The following SV2C variants were observed in gnomAD, a reference collection of about 807,000 sequenced individuals.
SV2C encodes solute carrier family 22 member B3.
SV2C carries 49 observed loss-of-function variants against 79.7 expected under a neutral mutation model. The observed-to-expected ratio is 0.61, with a 90% CI of 0.49 to 0.78. The LOEUF is 0.78. Ranked by LOEUF, SV2C falls within the 30% of genes least tolerant of loss-of-function variation. The pLI, the probability that SV2C is intolerant of heterozygous loss-of-function variation, is 0.00. For synonymous variants in SV2C, 334 were observed against 333.2 expected (o/e 1.00, Z -0.03); for missense variants, 833 against 912.9 (o/e 0.91, Z 1.13).
chr5:76,285,215 G>A lies in SV2C; in HGVS notation c.967G>A (p.Val323Ile). 6.2e-7 allele frequency: 1 copy of A among 1,614,180 alleles called. No homozygotes were observed. The highest frequency in any genetic ancestry group is 1.3e-5 in the African/African-American group (1 of 75,056). Residue 323 changes from valine (V) to isoleucine (I), a missense_variant, in exon 5 of 13, where the codon GTC (valine) becomes ATC (isoleucine). By Grantham distance (29) the Val-to-Ile change is conservative (BLOSUM62 3). Transcript: ENST00000502798. ...CCAGTTTCACAGTTGGCGTGTGTTT[G>A]TCATCGTCTGTGCACTCCCCTGTGT... ...AYQFHSWRVF[V>I]IVCALPCVSS... is the part of the protein sequence containing the mutation.
At chr5:76,093,046 T>G (rs1747432122) in intron 1 of SV2C, among the ~76,000 whole-genome samples, 1 of 152,190 alleles carries the variant, frequency 6.6e-6, no homozygotes, top group South Asian at 2.1e-4. Flanking sequence ...GCATTTTAAA[T>G]TATTTTTAAA....
intron 7 of SV2C, among the ~76,000 whole-genome samples, 163 bp from the exon 8 acceptor site, chr5:76,291,605 G>A (rs1174375048): frequency 6.6e-6 from 1 of 152,226 alleles, no homozygotes; most frequent in African/African-American, 2.4e-5. Flanking sequence ...CATCCAGGAA[G>A]CTGAAGAATG....
chr5:75,877,124 C>G, the SV2C span, among the ~76,000 whole-genome samples: 1 of 151,764 alleles, frequency 6.6e-6, no homozygotes, highest in Non-Finnish European at 1.5e-5. Flanking sequence ...AAAAAGCAAC[C>G]ACAAGAAAGC....
chr5:76,349,218 T>G (rs1749600758), intron 12 of SV2C, among the ~76,000 whole-genome samples: 1 of 151,460 alleles, frequency 6.6e-6, no homozygotes, highest in African/African-American at 2.4e-5. Context: ...CCTCAATAAA[T>G]TTCAGTAATT....
chr5:76,173,496 G>A (rs564532245), intron 2 of SV2C: 33 of 885,300 alleles, frequency 3.7e-5, no homozygotes, highest in East Asian at 1.4e-4. Context: ...GCTTTCATCC[G>A]CCTCTTAAAG....
chr5:76,281,896 CCTTAA>C (rs1561297106), intron 4 of SV2C, among the ~76,000 whole-genome samples: 1 of 152,336 alleles, frequency 6.6e-6, no homozygotes, highest in East Asian at 1.9e-4. Flanking sequence ...GTCTCAAGAT[CCTTAA>C]CTTAATAACA....
chr5:76,281,827 C>T (rs1338157176), intron 4 of SV2C, among the ~76,000 whole-genome samples: 1 of 152,214 alleles, frequency 6.6e-6, no homozygotes, highest in Non-Finnish European at 1.5e-5. Flanking sequence ...CCCTCTTTTC[C>T]TTCTAGGGAC....
At chr5:76,107,034 C>G (rs1435038370) in intron 1 of SV2C, among the ~76,000 whole-genome samples, 1 of 152,046 alleles carries the variant, frequency 6.6e-6, no homozygotes, top group African/African-American at 2.4e-5. Flanking sequence ...AATAGAAACT[C>G]AAGAAATGTG....
At chr5:75,950,706 A>G in the SV2C span, among the ~76,000 whole-genome samples, 101 of 152,154 alleles carry the variant, frequency 6.6e-4, no homozygotes, top group African/African-American at 2.3e-3. Flanking sequence ...ATATAAGTGG[A>G]TGAATAAATC....
At chr5:76,324,000 G>A (rs955563193) in intron 12 of SV2C, among the ~76,000 whole-genome samples, 17 of 152,004 alleles carry the variant, frequency 1.1e-4, no homozygotes, top group African/African-American at 3.9e-4. Flanking sequence ...CATGTATCTC[G>A]GAACTGAAAG....
At chr5:75,859,580 C>T in the SV2C span, among the ~76,000 whole-genome samples, 1 of 151,968 alleles carries the variant, frequency 6.6e-6, no homozygotes, top group Non-Finnish European at 1.5e-5. Context: ...TGTGAGACAC[C>T]CATGGGGAGC....
chr5:76,286,998 T>C (rs1195459683), intron 6 of SV2C, among the ~76,000 whole-genome samples: 1 of 152,112 alleles, frequency 6.6e-6, no homozygotes, highest in Non-Finnish European at 1.5e-5. Context: ...GGCCAAACCA[T>C]ATCACCTGAC....
intron 12 of SV2C, among the ~76,000 whole-genome samples, chr5:76,312,516 G>A (rs1209517299): frequency 6.6e-6 from 1 of 152,106 alleles, no homozygotes; most frequent in African/African-American, 2.4e-5. Context: ...GCCTCCCAAC[G>A]TGCTGGGATT....
intron 3 of SV2C, among the ~76,000 whole-genome samples, chr5:76,207,936 G>A (rs538674625): frequency 5.3e-5 from 8 of 152,150 alleles, no homozygotes; most frequent in African/African-American, 9.7e-5. Context: ...AGTCTAATAC[G>A]GTGCAGTATA....
chr5:76,242,983 C>T (rs1202235156), intron 4 of SV2C, among the ~76,000 whole-genome samples: 1 of 132,954 alleles, frequency 7.5e-6, no homozygotes, highest in East Asian at 2.3e-4. Flanking sequence ...CACTGCACTC[C>T]AGCCTGTGCA....
rs148942628 is a variant in SV2C, at chr5:76,106,974, C to G, written c.-102+23462C>G. Among the ~76,000 whole-genome samples the G allele has an allele frequency of 3.1e-3, 471 of 152,296 alleles. 1 individual carries two copies. The highest frequency in any genetic ancestry group is 0.01 in the Middle Eastern group (3 of 294). ...GCCCAGAATAGTGCCTGACACACAGCAGTTTATATCTCGTGAGTGTTAAAA... is the reference window on the plus strand; with the variant it reads ...GCCCAGAATAGTGCCTGACACACAGGAGTTTATATCTCGTGAGTGTTAAAA... On this transcript the variant is annotated intron_variant, in intron 1 of 12. Coordinates refer to ENST00000502798, the MANE Select transcript of SV2C (RefSeq NM_014979.4).
At chr5:75,858,475 CT>C in the SV2C span, among the ~76,000 whole-genome samples, 1 of 152,116 alleles carries the variant, frequency 6.6e-6, no homozygotes, top group Admixed American at 6.5e-5. Context: ...GATGAATGAC[CT>C]TTTTAACGTG....
the SV2C span, among the ~76,000 whole-genome samples, chr5:75,882,254 T>C: frequency 6.6e-6 from 1 of 151,624 alleles, no homozygotes; most frequent in Non-Finnish European, 1.5e-5. Flanking sequence ...TAAAAGAGGA[T>C]ACAAACAAAT....
chr5:75,990,783 A>T, the SV2C span, among the ~76,000 whole-genome samples: 1 of 152,010 alleles, frequency 6.6e-6, no homozygotes, highest in Non-Finnish European at 1.5e-5. Context: ...GTGCACATAT[A>T]TCCTAGAACT....
Sources: allele counts gnomAD v4.1 joint callset (sites outside exome capture counted in the v4.1 genomes callset), GRCh38; gene constraint gnomAD v4.1.1; transcripts MANE v1.5; gene names NCBI Gene and HGNC (gene_info 2026-07-23, HGNC 2026-07-21).